CCDC85A: variants seen among roughly 807,000 people sequenced by gnomAD.
The protein encoded by CCDC85A is coiled-coil domain-containing protein 85A.
In CCDC85A, 38 loss-of-function variants were observed where a neutral mutation model predicts 50.2. That is an observed-to-expected ratio of 0.76 (90% CI 0.58 to 0.99). The LOEUF (loss-of-function observed/expected upper bound fraction) is 0.99. Ranked by LOEUF, CCDC85A falls within the 50% of genes least tolerant of loss-of-function variation. The pLI, the probability that CCDC85A is intolerant of heterozygous loss-of-function variation, is 0.00. For missense variants in CCDC85A, 820 were observed against 742.0 expected, an observed-to-expected ratio of 1.11 and a Z score of -1.22; for synonymous variants, 366 against 301.4, an observed-to-expected ratio of 1.21 and a Z score of -2.22.
intron 1 of CCDC85A, among the ~76,000 whole-genome samples, chr2:56,187,560 C>T (rs776726384): frequency 2.0e-5 from 3 of 152,134 alleles, no homozygotes; most frequent in Admixed American, 6.5e-5. Context: ...CTCTGTCTCT[C>T]GGTTTTCTCA....
Position 56,242,845 on chromosome 2 carries a change from G to T in CCDC85A, c.1240+49405G>T, listed in dbSNP as rs559197022. Among the ~76,000 whole-genome samples, 7 of 152,206 alleles carry T rather than the reference G, an allele frequency of 4.6e-5. No homozygotes were observed. The East Asian group carries it at 1.4e-3, about 30-fold the overall frequency. ...TTGTCAAGAAATTTTTGCCAGTCCAGTGGCCTGGAGAATTCCTTCAATGTC... is the reference window on the plus strand; with the variant it reads ...TTGTCAAGAAATTTTTGCCAGTCCATTGGCCTGGAGAATTCCTTCAATGTC... On this transcript the variant is annotated intron_variant, in intron 2 of 5. Transcript: ENST00000407595.
intron 2 of CCDC85A, among the ~76,000 whole-genome samples, chr2:56,231,292 G>A (rs1668761128): frequency 6.6e-6 from 1 of 152,206 alleles, no homozygotes; most frequent in Admixed American, 6.5e-5. Context: ...TTGGTAGCAG[G>A]ATAAGGTGCT....
intron 2 of CCDC85A, among the ~76,000 whole-genome samples, chr2:56,272,222 T>C (rs1670731032): frequency 1.3e-5 from 2 of 152,082 alleles, no homozygotes; most frequent in African/African-American, 2.4e-5. Flanking sequence ...GAGTAGTAGA[T>C]GTTAATAAAG....
intron 3 of CCDC85A, among the ~76,000 whole-genome samples, chr2:56,355,511 A>G (rs886495995): frequency 6.6e-6 from 1 of 152,192 alleles, no homozygotes; most frequent in Admixed American, 6.5e-5. Flanking sequence ...CTTAATTGAG[A>G]CCAAAATAAT....
chr2:56,383,513 T>A, intron 5 of CCDC85A: 2 of 833,456 alleles, frequency 2.4e-6, no homozygotes, highest in Non-Finnish European at 2.9e-6. Flanking sequence ...GCACCTTTTG[T>A]CCCTCTATGT....
chr2:56,192,926 C>G lies in CCDC85A; in HGVS notation c.726C>G (p.Ser242Arg), dbSNP rs1275714685. The part of the protein sequence containing the change: ...GSPEHLQKPR[S>R]EGSPEHSKHR... The stretch of plus-strand genomic sequence containing the variant: ...CGGAGCACCTGCAGAAGCCCCGGAG[C>G]GAGGGCAGCCCGGAGCACTCCAAGC... Residue 242 changes from serine to arginine, a missense_variant, in exon 2 of 6, where the codon AGC becomes AGG. Coordinates refer to ENST00000407595, the MANE Select transcript of CCDC85A (RefSeq NM_001080433.2). This position sits in a 1 kb window ranked among gnomAD's most constrained non-coding sequence, Gnocchi z 4.7. 6.2e-7 allele frequency: 1 copy of G among 1,612,286 alleles called. No individual in the cohort carries two copies. The highest frequency in any genetic ancestry group is 8.5e-7 in the Non-Finnish European group (1 of 1,179,412).
At chr2:56,369,524 T>C (rs1028742467) in intron 3 of CCDC85A, among the ~76,000 whole-genome samples, 1 of 152,174 alleles carries the variant, frequency 6.6e-6, no homozygotes, top group African/African-American at 2.4e-5. Context: ...AATGTCCATA[T>C]GTGAATTCAT....
chr2:56,312,559 T>C (rs1453418067), intron 2 of CCDC85A, among the ~76,000 whole-genome samples: 5 of 152,140 alleles, frequency 3.3e-5, no homozygotes, highest in Non-Finnish European at 5.9e-5. Flanking sequence ...TATAAAGATT[T>C]ATGATGATTT....
intron 2 of CCDC85A, among the ~76,000 whole-genome samples, chr2:56,299,159 G>A: frequency 6.6e-6 from 1 of 152,148 alleles, no homozygotes; most frequent in South Asian, 2.1e-4. Context: ...GTCTGGAAGA[G>A]TAAAGGCTAC....
chr2:56,263,429 C>A (rs528874783), intron 2 of CCDC85A, among the ~76,000 whole-genome samples: 1 of 152,308 alleles, frequency 6.6e-6, no homozygotes, highest in Non-Finnish European at 1.5e-5. Context: ...TGAAATGAAA[C>A]AGAGCCTCAA....
At chr2:56,223,046 A>C (rs1439239074) in intron 2 of CCDC85A, among the ~76,000 whole-genome samples, 2 of 152,154 alleles carry the variant, frequency 1.3e-5, no homozygotes, top group Non-Finnish European at 2.9e-5. Flanking sequence ...TATTGGTAGG[A>C]TATGAAAAAG....
chr2:56,288,049 T>A (rs1314360331), intron 2 of CCDC85A, among the ~76,000 whole-genome samples: 1 of 152,144 alleles, frequency 6.6e-6, no homozygotes, highest in Non-Finnish European at 1.5e-5. Context: ...GAGCCTGGCG[T>A]CAGCTTCACC....
At chr2:56,247,981 GCA>G (rs1436732154) in intron 2 of CCDC85A, among the ~76,000 whole-genome samples, 1 of 152,168 alleles carries the variant, frequency 6.6e-6, no homozygotes, top group Non-Finnish European at 1.5e-5. Context: ...ACAATGGGGA[GCA>G]GGGAGACTTG....
At chr2:56,262,361 A>T (rs1232133895) in intron 2 of CCDC85A, among the ~76,000 whole-genome samples, 1 of 152,208 alleles carries the variant, frequency 6.6e-6, no homozygotes, top group Non-Finnish European at 1.5e-5. Flanking sequence ...AGGTTCATGC[A>T]TAAAGACTCA....
At chr2:56,349,749 G>A (rs557331755) in intron 3 of CCDC85A, among the ~76,000 whole-genome samples, 4 of 152,212 alleles carry the variant, frequency 2.6e-5, no homozygotes, top group Admixed American at 1.3e-4. Flanking sequence ...TTGGGACTGT[G>A]TTATCAATAA....
At chr2:56,286,842 A>G (rs529455677) in intron 2 of CCDC85A, among the ~76,000 whole-genome samples, 29 of 152,290 alleles carry the variant, frequency 1.9e-4, no homozygotes, top group African/African-American at 6.7e-4. Flanking sequence ...GTTCTTTGAA[A>G]GGAAATTGAA....
intron 2 of CCDC85A, among the ~76,000 whole-genome samples, chr2:56,218,246 A>G (rs1668171214): frequency 6.6e-6 from 1 of 151,928 alleles, no homozygotes; most frequent in Non-Finnish European, 1.5e-5. Context: ...AAGAAACTGG[A>G]CACTGTAATC....
chr2:56,261,414 G>A (rs140701801), intron 2 of CCDC85A, among the ~76,000 whole-genome samples: 122 of 152,208 alleles, frequency 8.0e-4, no homozygotes, highest in African/African-American at 2.8e-3. Flanking sequence ...ACACTCAAAC[G>A]TTTATCAGTT....
At chr2:56,191,090 T>A (rs540335261) in intron 1 of CCDC85A, among the ~76,000 whole-genome samples, 2 of 152,346 alleles carry the variant, frequency 1.3e-5, no homozygotes, top group South Asian at 4.1e-4. Flanking sequence ...TAGGGCTTTT[T>A]ACTTGCCCTC....
Sources: allele counts gnomAD v4.1 joint callset (sites outside exome capture counted in the v4.1 genomes callset), GRCh38; gene constraint gnomAD v4.1.1; non-coding constraint Gnocchi (gnomAD v3.1); transcripts MANE v1.5; gene names NCBI Gene and HGNC (gene_info 2026-07-23, HGNC 2026-07-21).